Variants in AGBL4 observed in about 807,000 individuals in gnomAD.
AGBL4 encodes the protein AGBL carboxypeptidase 4.
Under a neutral mutation model 66.4 loss-of-function variants are expected in AGBL4, and 58 were observed. That is an observed-to-expected ratio of 0.87 (90% CI 0.71 to 1.09). AGBL4 has a LOEUF of 1.09. AGBL4 is among the 50% of genes least tolerant of loss of function. The probability of loss-of-function intolerance (pLI) is 0.00; values close to 1 mark genes in which losing one functional copy is unlikely to be tolerated. For missense variants in AGBL4, 579 were observed against 631.0 expected (o/e 0.92, Z 0.88); for synonymous variants, 234 against 222.9 (o/e 1.05, Z -0.44).
chr1:49,454,527 G>A (rs1646347638), intron 3 of AGBL4, among the ~76,000 whole-genome samples: 1 of 151,640 alleles, frequency 6.6e-6, no homozygotes, highest in South Asian at 2.1e-4. Flanking sequence ...TTGAGATTCT[G>A]TTCTTCCATG....
At chr1:49,070,527 A>G (rs545115275) in intron 4 of AGBL4, among the ~76,000 whole-genome samples, 8 of 151,882 alleles carry the variant, frequency 5.3e-5, no homozygotes, top group Admixed American at 1.3e-4. Context: ...TATGTGATGG[A>G]TTATGTTTAT....
chr1:48,829,426 T>C (rs1646500697), intron 6 of AGBL4, among the ~76,000 whole-genome samples: 1 of 152,228 alleles, frequency 6.6e-6, no homozygotes, highest in Non-Finnish European at 1.5e-5. Flanking sequence ...CCATGACCTC[T>C]GTTTCTCCCC....
rs372540433 is a variant in AGBL4, at chr1:49,592,398, C to T, written c.282+104915G>A. Among the ~76,000 whole-genome samples the T allele has an allele frequency of 1.9e-4, 29 of 152,202 alleles. No individual in the cohort carries two copies. In the East Asian group the frequency reaches 3.1e-3, roughly 16 times the overall value. ...CCAGCCTTGCCAACATGGCGAAATC[C>T]CATCTCTACTGAAAATACAAAATTA... is the stretch of plus-strand genomic sequence containing the variant. On this transcript the variant is annotated intron_variant, in intron 3 of 13. Coordinates refer to ENST00000371839, the MANE Select transcript of AGBL4 (RefSeq NM_032785.4).
intron 3 of AGBL4, among the ~76,000 whole-genome samples, chr1:49,299,821 C>T (rs1644710602): frequency 6.6e-6 from 1 of 151,920 alleles, no homozygotes; most frequent in South Asian, 2.1e-4. Context: ...CTTTCTATTC[C>T]TAGTTTTCTG....
intron 4 of AGBL4, among the ~76,000 whole-genome samples, chr1:49,073,906 C>T (rs1034754333): frequency 6.6e-6 from 1 of 152,206 alleles, no homozygotes; most frequent in Non-Finnish European, 1.5e-5. Context: ...TTATCTATAA[C>T]TCTCTGACTG....
chr1:49,261,878 C>G (rs1318078772), intron 3 of AGBL4, among the ~76,000 whole-genome samples: 1 of 148,788 alleles, frequency 6.7e-6, no homozygotes. Flanking sequence ...AAGAACAAAG[C>G]TGGAGGCATC....
intron 6 of AGBL4, among the ~76,000 whole-genome samples, chr1:48,760,877 T>C (rs551097289): frequency 6.6e-6 from 1 of 152,248 alleles, no homozygotes; most frequent in African/African-American, 2.4e-5. Flanking sequence ...CTCATGCAAA[T>C]GTTTTCATCT....
At chr1:48,694,460 T>C (rs1189933721) in intron 6 of AGBL4, among the ~76,000 whole-genome samples, 1 of 152,206 alleles carries the variant, frequency 6.6e-6, no homozygotes, top group Non-Finnish European at 1.5e-5. Context: ...ATAATCATCC[T>C]ATCTTCCTCA....
At chr1:49,213,361 T>C (rs1648822047) in intron 4 of AGBL4, among the ~76,000 whole-genome samples, 1 of 152,144 alleles carries the variant, frequency 6.6e-6, no homozygotes, top group Non-Finnish European at 1.5e-5. Flanking sequence ...TGGTGAATTA[T>C]AATCCTCAGT....
chr1:48,819,544 T>C (rs1482395702), intron 6 of AGBL4, among the ~76,000 whole-genome samples: 1 of 152,144 alleles, frequency 6.6e-6, no homozygotes. Flanking sequence ...TTGTGGGGGA[T>C]ACAGATACAG....
At chr1:48,606,510 G>T (rs531473375) in intron 9 of AGBL4, among the ~76,000 whole-genome samples, 1 of 152,222 alleles carries the variant, frequency 6.6e-6, no homozygotes, top group African/African-American at 2.4e-5. Flanking sequence ...GTAGAAGATG[G>T]GAACTCTTGT....
intron 6 of AGBL4, among the ~76,000 whole-genome samples, chr1:48,768,357 C>T (rs1375353720): frequency 6.6e-6 from 1 of 151,994 alleles, no homozygotes; most frequent in East Asian, 1.9e-4. Flanking sequence ...AAATAATGCC[C>T]AAATAGGGTC....
At chr1:49,847,452 TAATC>T (rs1412575707) in intron 2 of AGBL4, among the ~76,000 whole-genome samples, 1 of 151,854 alleles carries the variant, frequency 6.6e-6, no homozygotes. Context: ...GCAAAAGAAA[TAATC>T]AACACAATGA....
chr1:48,548,634 G>A (rs771603799), intron 11 of AGBL4, among the ~76,000 whole-genome samples: 2 of 152,134 alleles, frequency 1.3e-5, no homozygotes, highest in African/African-American at 2.4e-5. Flanking sequence ...ACTCATCTCT[G>A]AAGCTTTCTC....
intron 2 of AGBL4, among the ~76,000 whole-genome samples, chr1:49,843,824 T>C (rs912226921): frequency 6.6e-6 from 1 of 152,094 alleles, no homozygotes; most frequent in Non-Finnish European, 1.5e-5. Context: ...GGTACCCACA[T>C]CACCCCTCTA....
chr1:49,943,714 T>G, intron 1 of AGBL4, among the ~76,000 whole-genome samples: 1 of 140,554 alleles, frequency 7.1e-6, no homozygotes, highest in East Asian at 2.3e-4. Context: ...TGGGAAAAGG[T>G]CACAGGGAAA....
chr1:49,429,326 G>C (rs2148654459), intron 3 of AGBL4, among the ~76,000 whole-genome samples: 1 of 152,326 alleles, frequency 6.6e-6, no homozygotes, highest in South Asian at 2.1e-4. Context: ...CACGCTTAGT[G>C]AATTTCTGGC....
At chr1:49,503,306 C>T (rs1366679030) in intron 3 of AGBL4, among the ~76,000 whole-genome samples, 1 of 152,174 alleles carries the variant, frequency 6.6e-6, no homozygotes, top group Non-Finnish European at 1.5e-5. Context: ...AGGATGTATG[C>T]AAACACCTGG....
chr1:48,714,684 A>G (rs1012841429), intron 6 of AGBL4, among the ~76,000 whole-genome samples: 1 of 152,122 alleles, frequency 6.6e-6, no homozygotes, highest in Non-Finnish European at 1.5e-5. Flanking sequence ...ACACTCTTCA[A>G]TGACTCCTTG....
Sources: gnomAD v4.1 joint callset for allele counts (sites outside exome capture counted in the v4.1 genomes callset) on GRCh38, gnomAD v4.1.1 for gene constraint, MANE v1.5 for transcripts, NCBI Gene and HGNC (gene_info 2026-07-23, HGNC 2026-07-21) for gene names.